Variants in PPP2R2C observed in about 807,000 individuals in gnomAD.
PPP2R2C encodes protein phosphatase 2, regulatory subunit B, gamma.
A neutral mutation model predicts 45.3 loss-of-function variants in PPP2R2C; 10 were observed. The ratio of observed to expected loss-of-function variants is 0.22; its 90% CI spans 0.14 to 0.37. The LOEUF is 0.37. PPP2R2C is among the 10% of genes least tolerant of loss of function. The pLI is 1.00. For synonymous variants in PPP2R2C, 257 were observed against 245.4 expected (o/e 1.05, Z -0.44); for missense variants, 308 against 619.7 (o/e 0.50, Z 5.34).
At chr4:6,395,234 A>T (rs1716943300) in intron 1 of PPP2R2C, among the ~76,000 whole-genome samples, 1 of 152,102 alleles carries the variant, frequency 6.6e-6, no homozygotes, top group Non-Finnish European at 1.5e-5. Flanking sequence ...CTCCACTCCT[A>T]ACACTGCCCC....
intron 2 of PPP2R2C, among the ~76,000 whole-genome samples, chr4:6,532,387 G>T (rs987949665): frequency 1.3e-5 from 2 of 152,208 alleles, no homozygotes; most frequent in African/African-American, 4.8e-5. Context: ...CCTTGACCTT[G>T]CTGGGAAATA....
chr4:6,520,146 A>G (rs1723967721), intron 2 of PPP2R2C, among the ~76,000 whole-genome samples: 1 of 151,988 alleles, frequency 6.6e-6, no homozygotes, highest in African/African-American at 2.4e-5. Flanking sequence ...GGGTGAGTGG[A>G]TGAAGGGGTA....
At chr4:6,349,811 A>G (rs1324117729) in intron 5 of PPP2R2C, 10 of 888,756 alleles carry the variant, frequency 1.1e-5, no homozygotes, top group Non-Finnish European at 1.3e-5. Context: ...GAATCACGTG[A>G]ACCTGGGAGG....
intron 1 of PPP2R2C, among the ~76,000 whole-genome samples, chr4:6,456,747 A>G (rs569856019): frequency 6.6e-6 from 1 of 152,154 alleles, no homozygotes; most frequent in South Asian, 2.1e-4. Context: ...CCATGATTTA[A>G]TATTCTTGAG....
At chr4:6,374,253 T>C (rs898663103) in intron 4 of PPP2R2C, among the ~76,000 whole-genome samples, 12 of 152,218 alleles carry the variant, frequency 7.9e-5, no homozygotes, top group Admixed American at 3.3e-4. Context: ...TCCGGCAACA[T>C]TGCTTTCTGT....
At chr4:6,561,934 C>G (rs2108847712) in intron 1 of PPP2R2C, among the ~76,000 whole-genome samples, 1 of 152,350 alleles carries the variant, frequency 6.6e-6, no homozygotes, top group South Asian at 2.1e-4. Flanking sequence ...TCAACAATTC[C>G]ACACTGAGAA....
intron 1 of PPP2R2C, among the ~76,000 whole-genome samples, chr4:6,559,706 C>T (rs1372004521): frequency 6.6e-6 from 1 of 152,166 alleles, no homozygotes; most frequent in Admixed American, 6.5e-5. Flanking sequence ...CTCAAGGGAG[C>T]TCATTTGCCC....
At chr4:6,341,278 G>A (rs1733421616) in intron 6 of PPP2R2C, among the ~76,000 whole-genome samples, 1 of 149,424 alleles carries the variant, frequency 6.7e-6, no homozygotes, top group Non-Finnish European at 1.5e-5. Flanking sequence ...GGTGGAGGTT[G>A]CAGTGAGCCA....
In PPP2R2C at chr4:6,436,078, C is replaced by T. The variant is rs112709021; in HGVS notation, c.70+36082G>A. Among the ~76,000 whole-genome samples the T allele has an allele frequency of 6.2e-3, 937 of 152,262 alleles. 11 individuals are homozygous for T. Among genetic ancestry groups the T allele is most frequent in the African/African-American group, 0.021 (858 of 41,544 alleles). On this transcript the variant is annotated intron_variant, in intron 1 of 8. Transcript: ENST00000382599. ...GAGAGCTCCCTAGCCCCTTCTGCCA[C>T]GCAAGCACACAGCAAGAAGGCACCA...
rs757516732 is a variant in PPP2R2C, at chr4:6,526,901, G to T, written c.49+8370C>A. On this transcript the variant is annotated intron_variant, in intron 2 of 9. Transcript: ENST00000506140. The stretch of plus-strand genomic sequence containing the variant: ...CCCTGAGGAGGGGGACAGCCATCAC[G>T]GTAGGCTTTGTTACAGCCCTGCCAC... Among the ~76,000 whole-genome samples the T allele has an allele frequency of 2.6e-5, 4 of 152,140 alleles. No homozygotes were observed. In the East Asian group the frequency reaches 7.7e-4, roughly 29 times the overall value.
intron 5 of PPP2R2C, among the ~76,000 whole-genome samples, chr4:6,356,733 G>A (rs1041266993): frequency 2.6e-5 from 4 of 152,252 alleles, no homozygotes; most frequent in Non-Finnish European, 4.4e-5. Flanking sequence ...TGGCTGCCAG[G>A]GACCCTGGGT....
chr4:6,493,315 G>T (rs974385148), intron 2 of PPP2R2C, among the ~76,000 whole-genome samples: 2 of 151,736 alleles, frequency 1.3e-5, no homozygotes, highest in East Asian at 3.9e-4. Flanking sequence ...CAGGACTATT[G>T]TCTGTCTCCC....
chr4:6,352,113 G>A (rs1003450376), intron 5 of PPP2R2C, among the ~76,000 whole-genome samples: 1 of 152,070 alleles, frequency 6.6e-6, no homozygotes, highest in Admixed American at 6.5e-5. Flanking sequence ...GCCCTCCCCC[G>A]TGTGTAGACT....
At chr4:6,518,408 G>A (rs1435883409) in intron 2 of PPP2R2C, among the ~76,000 whole-genome samples, 1 of 152,082 alleles carries the variant, frequency 6.6e-6, no homozygotes, top group Admixed American at 6.5e-5. Flanking sequence ...CTCCAGCCAG[G>A]CTAACAAGGA....
rs75163952 is a variant in PPP2R2C at position 6,418,544 on chromosome 4, C to T, written c.71-37450G>A. Among the ~76,000 whole-genome samples the T allele has an allele frequency of 2.8e-3, 423 of 152,356 alleles. 2 individuals carry two copies. The highest frequency in any genetic ancestry group is 9.8e-3 in the African/African-American group (407 of 41,584). On this transcript the variant is annotated intron_variant, in intron 1 of 8. Coordinates refer to ENST00000382599, the MANE Select transcript of PPP2R2C (RefSeq NM_020416.4). ...GTGAACCTCGGCCCCAGCATTCTGGCTGCGCTAGGGTAGGGTGGGATCAAA... is the reference window on the plus strand; with the variant it reads ...GTGAACCTCGGCCCCAGCATTCTGGTTGCGCTAGGGTAGGGTGGGATCAAA...
In PPP2R2C at chr4:6,331,186, G is replaced by A. The variant is rs771048339; in HGVS notation, c.961-1833C>T. On this transcript the variant is annotated intron_variant, in intron 7 of 8. Coordinates refer to ENST00000382599, the MANE Select transcript of PPP2R2C (RefSeq NM_020416.4). This position sits in a 1 kb window ranked among gnomAD's most constrained non-coding sequence, Gnocchi z 5.9. ...CTTGGTGATGCACGCGTCCAAATGCGCATGCTGTTCTCTCTGCCGTGCACT... is the reference window on the plus strand; with the variant it reads ...CTTGGTGATGCACGCGTCCAAATGCACATGCTGTTCTCTCTGCCGTGCACT... Among the ~76,000 whole-genome samples, 8 of 152,192 alleles carry A rather than the reference G, an allele frequency of 5.3e-5. No individual in the cohort carries two copies. Among genetic ancestry groups the A allele is most frequent in the African/African-American group, 1.7e-4 (7 of 41,434 alleles).
intron 1 of PPP2R2C, among the ~76,000 whole-genome samples, chr4:6,403,296 T>C (rs978452165): frequency 1.3e-5 from 2 of 152,206 alleles, no homozygotes; most frequent in African/African-American, 4.8e-5. Flanking sequence ...ACAGAAATGC[T>C]GGGAGCGGAG....
At chr4:6,506,162 T>C (rs1189058305) in intron 2 of PPP2R2C, among the ~76,000 whole-genome samples, 7 of 152,104 alleles carry the variant, frequency 4.6e-5, no homozygotes, top group Admixed American at 4.6e-4. Context: ...TAATTGGCTC[T>C]TCAGGTGTGG....
At chr4:6,476,003 C>T (rs1050863767), upstream of PPP2R2C, among the ~76,000 whole-genome samples, 3 of 152,244 alleles carry the variant, frequency 2.0e-5, no homozygotes, top group African/African-American at 7.2e-5. Flanking sequence ...GAGCACACGG[C>T]GAGACAGTGG....
Sources: allele counts gnomAD v4.1 joint callset (sites outside exome capture counted in the v4.1 genomes callset), GRCh38; gene constraint gnomAD v4.1.1; non-coding constraint Gnocchi (gnomAD v3.1); transcripts MANE v1.5; gene names NCBI Gene and HGNC (gene_info 2026-07-23, HGNC 2026-07-21).